The following VEGFB variants were observed in gnomAD, a reference collection of about 807,000 sequenced individuals.
The protein encoded by VEGFB is vascular endothelial growth factor B.
VEGFB carries 24 observed loss-of-function variants against 22.5 expected under a neutral mutation model. That is an observed-to-expected ratio of 1.07 (90% CI 0.77 to 1.50). VEGFB has a LOEUF of 1.50. VEGFB is among the 40% of genes most tolerant of loss of function. VEGFB has a pLI of 0.00. For missense variants in VEGFB, 327 were observed against 287.8 expected (o/e 1.14, Z -0.99); for synonymous variants, 141 against 117.4 (o/e 1.20, Z -1.30).
At position 64,239,145 on chromosome 11, in the gene VEGFB, G is replaced by A. The variant is rs755203113; in HGVS notation, c.*812G>A. ...ACTACCCCTGCCTCTCTGAGCAGCA[G>A]TTTCCACATGTGCACATAGAGGGAA... is the stretch of plus-strand genomic sequence containing the variant. On this transcript the variant is annotated 3_prime_UTR_variant, in exon 7 of 7. Coordinates refer to ENST00000309422, the MANE Select transcript of VEGFB (RefSeq NM_003377.5). 1.3e-5 allele frequency among the ~76,000 whole-genome samples: 2 copies of A among 152,198 alleles called. No homozygotes were observed. The highest frequency in any genetic ancestry group is 2.9e-5 in the Non-Finnish European group (2 of 68,042).
chr11:64,235,966 G>A lies in VEGFB; in HGVS notation c.257G>A (p.Gly86Asp). The change falls in exon 3 of 7, where the codon GGC becomes GAC. Residue 86 changes from glycine (G) to aspartate (D), a missense_variant. Transcript: ENST00000309422. ...QRCGGCCPDD[G>D]LECVPTGQHQ... ...TGTGGTGGCTGCTGCCCTGACGATG[G>A]CCTGGAGTGTGTGCCCACTGGGCAG... 1 of 1,609,338 alleles carries A rather than the reference G, an allele frequency of 6.2e-7. No homozygotes were observed. Among genetic ancestry groups the A allele is most frequent in the South Asian group, 1.1e-5 (1 of 90,586 alleles).
At chr11:64,236,371 G>T (rs11603042) in intron 4 of VEGFB, 44 bp downstream of exon 4, 525,612 of 1,591,162 alleles carry the variant, frequency 0.33, 89,761 homozygotes, top group Admixed American at 0.39. Flanking sequence ...GGCCAGGCTT[G>T]GGGGGTGCTG....
chr11:64,234,819 G>T lies in VEGFB; in HGVS notation c.-15G>T. 8.5e-7 allele frequency: 1 copy of T among 1,169,774 alleles called. No homozygotes were observed. Among genetic ancestry groups the T allele is most frequent in the African/African-American group, 1.6e-5 (1 of 61,488 alleles). The allele number at this position is 1,169,774 out of a possible 1,614,324, so 72.5% of individuals were successfully genotyped here. A position where few individuals can be genotyped will look rare whatever the true frequency, so the allele number is the denominator to read the frequency against. On this transcript the variant is annotated 5_prime_UTR_variant, in exon 1 of 7. Transcript: ENST00000309422. This position sits in a 1 kb window ranked among gnomAD's most constrained non-coding sequence, Gnocchi z 5.3. ...GCGATGCGGGCGCCCCCGGCGGGCGGCCCCGGCGGGCACCATGAGCCCTCT... is the reference window on the plus strand; with the variant it reads ...GCGATGCGGGCGCCCCCGGCGGGCGTCCCCGGCGGGCACCATGAGCCCTCT...
Position 64,238,409 on chromosome 11 carries a change from T to G in VEGFB, c.*76T>G, listed in dbSNP as rs930952936. 6.5e-7 allele frequency: 1 copy of G among 1,536,092 alleles called. No homozygotes were observed. Among genetic ancestry groups the G allele is most frequent in the Non-Finnish European group, 8.7e-7 (1 of 1,146,852 alleles). On this transcript the variant is annotated 3_prime_UTR_variant, in exon 7 of 7. Transcript: ENST00000309422. ...GCTTTTCAGACTCAGCAGGGTGACT[T>G]GCCTCAGAGGCTATATCCCAGTGGG... is the stretch of plus-strand genomic sequence containing the variant.
In VEGFB at chr11:64,238,227, C is replaced by G. The variant is rs2030240799; in HGVS notation, c.*23-129C>G. On this transcript the variant is annotated intron_variant, in intron 6 of 6. Coordinates refer to ENST00000309422, the MANE Select transcript of VEGFB (RefSeq NM_003377.5). ...AGGTTCATCCTTCGCCCTGCAGCCT[C>G]CAGTGCCCAGGGCCGAGTGGTGTGG... is the stretch of plus-strand genomic sequence containing the variant. The G allele has an allele frequency of 4.2e-6, 5 of 1,189,164 alleles. No individual in the cohort carries two copies. The South Asian group carries it at 6.9e-5, about 16-fold the overall frequency. 73.7% of individuals were successfully genotyped at this position (1,189,164 alleles called of 1,614,324 possible).
intron 1 of VEGFB, among the ~76,000 whole-genome samples, chr11:64,235,211 C>T (rs906760315): frequency 6.6e-6 from 1 of 152,218 alleles, no homozygotes; most frequent in African/African-American, 2.4e-5. Flanking sequence ...CCCAAACATG[C>T]TCGGCTCCGC....
intron 6 of VEGFB, 84 bp downstream of exon 6, chr11:64,237,739 G>T: frequency 7.9e-7 from 1 of 1,271,210 alleles, no homozygotes; most frequent in Non-Finnish European, 1.1e-6. Context: ...CTGCCAGTAG[G>T]AGGAGGGCCA....
rs1259781380 is a variant in VEGFB at position 64,234,798 on chromosome 11, TGCGGGCGCCCCCG to T, written c.-28_-16del. The T allele has an allele frequency of 2.0e-5, 22 of 1,078,988 alleles. No homozygotes were observed. The highest frequency in any genetic ancestry group is 2.5e-5 in the Non-Finnish European group (22 of 888,144). 66.8% of individuals were successfully genotyped at this position (1,078,988 alleles called of 1,614,324 possible). ...CCCCCGCGCCGCCGGGCTAGGGCGA[TGCGGGCGCCCCCG>T]GCGGGCGGCCCCGGCGGGCACCATG... On this transcript the variant is annotated 5_prime_UTR_variant, in exon 1 of 7. Transcript: ENST00000309422. The surrounding 1 kb of genome is among the most constrained non-coding windows in gnomAD (Gnocchi z 5.3).
rs1173927417 is a variant in VEGFB, at chr11:64,234,600, C to T, written c.-234C>T. The T allele has an allele frequency of 1.4e-5, 2 of 144,104 alleles. No homozygotes were observed. Among genetic ancestry groups the T allele is most frequent in the Admixed American group, 1.4e-4 (2 of 14,552 alleles). The allele number at this position is 144,104 out of a possible 1,614,324, so 8.9% of individuals were successfully genotyped here. The stretch of plus-strand genomic sequence containing the variant: ...GCCGCCCCCGCCGTCCCCGCCGCCG[C>T]TGCCCGCCGCCACCGGCCGCCCGCC... On this transcript the variant is annotated 5_prime_UTR_variant, in exon 1 of 7. Coordinates refer to ENST00000309422, the MANE Select transcript of VEGFB (RefSeq NM_003377.5). The surrounding 1 kb of genome is among the most constrained non-coding windows in gnomAD (Gnocchi z 5.3).
intron 4 of VEGFB, among the ~76,000 whole-genome samples, chr11:64,236,811 G>T (rs567260583): frequency 6.7e-6 from 1 of 148,766 alleles, no homozygotes; most frequent in South Asian, 2.1e-4. Flanking sequence ...GGGGGTAGTG[G>T]CTCACACCTA....
Position 64,238,043 on chromosome 11 carries a change from G to A in VEGFB, c.*23-313G>A, listed in dbSNP as rs142481626. On this transcript the variant is annotated intron_variant, in intron 6 of 6. Coordinates refer to ENST00000309422, the MANE Select transcript of VEGFB (RefSeq NM_003377.5). ...GTGGTAGACATCTGCCCTTACCTACGGGCTTCAAGAGGCCAGGGGACATAG... is the reference window on the plus strand; with the variant it reads ...GTGGTAGACATCTGCCCTTACCTACAGGCTTCAAGAGGCCAGGGGACATAG... 1.7e-3 allele frequency: 855 copies of A among 516,766 alleles called. 8 individuals are homozygous for A. Among genetic ancestry groups the A allele is most frequent in the African/African-American group, 0.015 (783 of 52,680 alleles). The allele number at this position is 516,766 out of a possible 1,614,324, so 32.0% of individuals were successfully genotyped here. A position where few individuals can be genotyped will look rare whatever the true frequency, so the allele number is the denominator to read the frequency against.
At chr11:64,236,482 G>A (rs1466844401) in intron 4 of VEGFB, among the ~76,000 whole-genome samples, 155 bp downstream of exon 4, 8 of 151,682 alleles carry the variant, frequency 5.3e-5, no homozygotes, top group South Asian at 2.1e-4. Flanking sequence ...TTGGGAGGCC[G>A]AGGCGGGCGG....
Position 64,235,993 on chromosome 11 carries a change from A to G in VEGFB, c.284A>G (p.His95Arg), listed in dbSNP as rs1372640849. 1 of 1,596,648 alleles carries G rather than the reference A, an allele frequency of 6.3e-7. No individual in the cohort carries two copies. The highest frequency in any genetic ancestry group is 8.5e-7 in the Non-Finnish European group (1 of 1,172,164). ...CTGGAGTGTGTGCCCACTGGGCAGC[A>G]CCAAGTCCGGATGCAGGTACTGGGC... ...DGLECVPTGQ[H>R]QVRMQILMIR... Residue 95 changes from histidine (H) to arginine (R), a missense_variant, in exon 3 of 7, where the codon CAC (histidine) becomes CGC (arginine). His to Arg is a conservative substitution (Grantham distance 29, BLOSUM62 0). Transcript: ENST00000309422.
chr11:64,236,589 C>T (rs1390968118), intron 4 of VEGFB, among the ~76,000 whole-genome samples: 3 of 151,652 alleles, frequency 2.0e-5, no homozygotes, highest in African/African-American at 7.3e-5. Context: ...TGGTGGCGGG[C>T]ACCTGTAGTC....
Position 64,234,972 on chromosome 11 carries a change from G to A in VEGFB, c.60+79G>A. ...TGGCGGAAGTGAGGAGGCGACCCGC[G>A]GCCTCGGCCGAGGGGATCTGCGGGG... On this transcript the variant is annotated intron_variant, in intron 1 of 6. Transcript: ENST00000309422. The surrounding 1 kb of genome is among the most constrained non-coding windows in gnomAD (Gnocchi z 5.3). 1.7e-6 allele frequency: 2 copies of A among 1,174,738 alleles called. No homozygotes were observed. Among genetic ancestry groups the A allele is most frequent in the Non-Finnish European group, 2.2e-6 (2 of 928,542 alleles). The allele number at this position is 1,174,738 out of a possible 1,614,324, so 72.8% of individuals were successfully genotyped here.
chr11:64,235,582 G>C (rs1441934172), intron 2 of VEGFB, 82 bp downstream of exon 2: 4 of 1,443,512 alleles, frequency 2.8e-6, no homozygotes, highest in Non-Finnish European at 3.9e-6. Flanking sequence ...ATCATCTTGT[G>C]TAACTCCCCT....
intron 4 of VEGFB, 64 bp from the exon 5 acceptor site, chr11:64,237,123 G>GAGAGAGAGAGAGAA (rs1555056104): frequency 1.5e-6 from 1 of 657,900 alleles, no homozygotes; most frequent in African/African-American, 2.6e-5. Context: ...GAGAGAGAGA[G>GAGAGAGAGAGAGAA]TAGGATGCTG....
chr11:64,237,293 T>C, intron 5 of VEGFB, 71 bp downstream of exon 5: 1 of 1,534,136 alleles, frequency 6.5e-7, no homozygotes, highest in Non-Finnish European at 9.0e-7. Context: ...GTTGCTCCTC[T>C]TTCTCCTCCC....
rs1947228590 is a variant in VEGFB, at chr11:64,234,795, C to T, written c.-39C>T. The T allele has an allele frequency of 2.8e-6, 3 of 1,060,048 alleles. No individual in the cohort carries two copies. The highest frequency in any genetic ancestry group is 3.4e-6 in the Non-Finnish European group (3 of 873,320). The allele number at this position is 1,060,048 out of a possible 1,614,324, so 65.7% of individuals were successfully genotyped here. A position where few individuals can be genotyped will look rare whatever the true frequency, so the allele number is the denominator to read the frequency against. On this transcript the variant is annotated 5_prime_UTR_variant, in exon 1 of 7. Coordinates refer to ENST00000309422, the MANE Select transcript of VEGFB (RefSeq NM_003377.5). The surrounding 1 kb of genome is among the most constrained non-coding windows in gnomAD (Gnocchi z 5.3). ...CGCCCCCCGCGCCGCCGGGCTAGGG[C>T]GATGCGGGCGCCCCCGGCGGGCGGC...
Sources: gnomAD v4.1 joint callset for allele counts (sites outside exome capture counted in the v4.1 genomes callset) on GRCh38, gnomAD v4.1.1 for gene constraint, Gnocchi (gnomAD v3.1) non-coding constraint, MANE v1.5 for transcripts, NCBI Gene and HGNC (gene_info 2026-07-23, HGNC 2026-07-21) for gene names.